Variants in CTNNA3 observed in about 807,000 individuals in gnomAD.
CTNNA3 encodes the protein catenin alpha-3.
CTNNA3 carries 76 observed loss-of-function variants against 95.7 expected under a neutral mutation model. The observed-to-expected ratio is 0.79, with a 90% CI of 0.66 to 0.96. The LOEUF is 0.96. Ranked by LOEUF, CTNNA3 falls within the 40% of genes least tolerant of loss-of-function variation. The pLI, the probability that CTNNA3 is intolerant of heterozygous loss-of-function variation, is 0.00. For missense variants in CTNNA3, 1,191 were observed against 1,089.8 expected, an observed-to-expected ratio of 1.09 and a Z score of -1.31; for synonymous variants, 431 against 374.4, an observed-to-expected ratio of 1.15 and a Z score of -1.74.
intron 12 of CTNNA3, among the ~76,000 whole-genome samples, chr10:66,359,118 A>G (rs144824029): frequency 1.0e-3 from 152 of 152,312 alleles, no homozygotes; most frequent in Non-Finnish European, 1.8e-3. Flanking sequence ...AAGTAAAGTG[A>G]GCATAATCCT....
intron 13 of CTNNA3, among the ~76,000 whole-genome samples, chr10:66,124,814 C>T (rs550246568): frequency 6.6e-6 from 1 of 152,230 alleles, no homozygotes; most frequent in East Asian, 1.9e-4. Flanking sequence ...ATCACAAGAA[C>T]AGCACAGAAA....
At chr10:66,803,645 A>G (rs1037131884) in intron 7 of CTNNA3, among the ~76,000 whole-genome samples, 5 of 152,058 alleles carry the variant, frequency 3.3e-5, no homozygotes, top group African/African-American at 1.2e-4. Flanking sequence ...CACCTTGCAT[A>G]AATATCTCAT....
chr10:66,522,668 C>A lies in CTNNA3; in HGVS notation c.1375-1895G>T, dbSNP rs149192482. On this transcript the variant is annotated intron_variant, in intron 10 of 17. Coordinates refer to ENST00000433211, the MANE Select transcript of CTNNA3 (RefSeq NM_013266.4). ...CTCTTTCCTTTATGGATTACCCAGT[C>A]TCAGTTCTGTCTTTATTAGCAGCAT... is the stretch of plus-strand genomic sequence containing the variant. Among the ~76,000 whole-genome samples, 6 of 151,938 alleles carry A rather than the reference C, an allele frequency of 3.9e-5. No individual in the cohort carries two copies. In the East Asian group the frequency reaches 7.7e-4, roughly 20 times the overall value.
intron 12 of CTNNA3, among the ~76,000 whole-genome samples, chr10:66,312,780 C>T (rs1460739128): frequency 2.0e-5 from 3 of 152,050 alleles, no homozygotes; most frequent in South Asian, 2.1e-4. Context: ...CTCCTGACCT[C>T]GTGATACACC....
intron 1 of CTNNA3, among the ~76,000 whole-genome samples, chr10:67,684,580 T>C (rs1840693947): frequency 6.6e-6 from 1 of 152,186 alleles, no homozygotes; most frequent in East Asian, 1.9e-4. Flanking sequence ...CTCTAGCTAC[T>C]TCCTGCTGGA....
At position 65,940,036 on chromosome 10, in the gene CTNNA3, A is replaced by G. The variant is rs1353292014; in HGVS notation, c.2401-19419T>C. On this transcript the variant is annotated intron_variant, in intron 17 of 17. Transcript: ENST00000433211. ...TGAGCACCTTCCAACTGAAAAAGCA[A>G]GGAATTAGTTGAATATCCCAACCCA... Among the ~76,000 whole-genome samples, 4 of 152,322 alleles carry G rather than the reference A, an allele frequency of 2.6e-5. No homozygotes were observed. In the South Asian group the frequency reaches 8.3e-4, roughly 32 times the overall value.
intron 7 of CTNNA3, among the ~76,000 whole-genome samples, chr10:67,016,861 A>G (rs930597308): frequency 6.6e-6 from 1 of 152,342 alleles, no homozygotes; most frequent in African/African-American, 2.4e-5. Context: ...AAACACCTCT[A>G]TAACAATATC....
intron 5 of CTNNA3, among the ~76,000 whole-genome samples, chr10:67,243,009 A>G (rs1865774301): frequency 6.6e-6 from 1 of 152,168 alleles, no homozygotes; most frequent in East Asian, 1.9e-4. Flanking sequence ...GCAACAAACT[A>G]TTAGCCATAT....
intron 10 of CTNNA3, among the ~76,000 whole-genome samples, chr10:66,541,880 T>G (rs1841864703): frequency 6.6e-6 from 1 of 152,082 alleles, no homozygotes; most frequent in African/African-American, 2.4e-5. Context: ...AATGCGTATT[T>G]AAAACTTGAA....
chr10:65,998,537 T>C (rs1026653853), intron 15 of CTNNA3, among the ~76,000 whole-genome samples: 1 of 152,120 alleles, frequency 6.6e-6, no homozygotes, highest in Non-Finnish European at 1.5e-5. Context: ...TAGCAGAGAA[T>C]AGCGCCCTGA....
At position 67,564,677 on chromosome 10, in the gene CTNNA3, G is replaced by GTGTA. The variant is rs1488656262; in HGVS notation, c.293-25009_293-25008insTACA. Among the ~76,000 whole-genome samples, 163 of 61,316 alleles carry GTGTA rather than the reference G, an allele frequency of 2.7e-3. 2 individuals carry two copies. The highest frequency in any genetic ancestry group is 0.01 in the Middle Eastern group (1 of 98). 40.2% of individuals were successfully genotyped at this position (61,316 alleles called of 152,430 possible). On this transcript the variant is annotated intron_variant, in intron 3 of 17. Transcript: ENST00000433211. ...TATATGCATATATGTGTGTGTGTGT[G>GTGTA]TATATATATATATATATATATATAT... is the stretch of plus-strand genomic sequence containing the variant.
At chr10:67,501,285 T>G (rs1839224141) in intron 5 of CTNNA3, among the ~76,000 whole-genome samples, 1 of 152,246 alleles carries the variant, frequency 6.6e-6, no homozygotes, top group Admixed American at 6.5e-5. Flanking sequence ...ATGTTGAATA[T>G]TGGCCCCCAC....
At chr10:67,049,844 A>G (rs1355952928) in intron 7 of CTNNA3, among the ~76,000 whole-genome samples, 11 of 152,222 alleles carry the variant, frequency 7.2e-5, no homozygotes, top group Admixed American at 1.3e-4. Flanking sequence ...TATTACAAAT[A>G]TAGTAATATA....
intron 7 of CTNNA3, among the ~76,000 whole-genome samples, chr10:67,021,167 C>T (rs947963545): frequency 1.2e-4 from 18 of 151,786 alleles, no homozygotes; most frequent in Non-Finnish European, 2.6e-4. Flanking sequence ...GTAATTTAGG[C>T]AAAAGTATCA....
At chr10:67,021,480 T>G (rs182403484) in intron 7 of CTNNA3, among the ~76,000 whole-genome samples, 1 of 152,162 alleles carries the variant, frequency 6.6e-6, no homozygotes, top group African/African-American at 2.4e-5. Flanking sequence ...ACTGTCATGT[T>G]ATTTGTGACA....
At chr10:67,745,004 AAAC>A (rs1477448618) in intron 1 of CTNNA3, among the ~76,000 whole-genome samples, 1 of 152,014 alleles carries the variant, frequency 6.6e-6, no homozygotes, top group Non-Finnish European at 1.5e-5. Flanking sequence ...AAAAGTCAGG[AAAC>A]AACAGGTGCT....
intron 11 of CTNNA3, among the ~76,000 whole-genome samples, chr10:66,401,913 T>C (rs910964867): frequency 1.3e-5 from 2 of 151,972 alleles, no homozygotes; most frequent in African/African-American, 4.8e-5. Flanking sequence ...CCTGCCTCAG[T>C]CTCCCAAAAG....
chr10:66,597,376 C>T (rs1843744617), intron 10 of CTNNA3, among the ~76,000 whole-genome samples: 1 of 151,036 alleles, frequency 6.6e-6, no homozygotes, highest in Middle Eastern at 3.4e-3. Flanking sequence ...TTCAGTGGGA[C>T]ACATTATAAT....
chr10:67,442,440 G>T (rs1236446780), intron 5 of CTNNA3, among the ~76,000 whole-genome samples: 1 of 151,864 alleles, frequency 6.6e-6, no homozygotes, highest in Non-Finnish European at 1.5e-5. Context: ...AAAAGAGAGA[G>T]ACCCAATGAT....
Sources: gnomAD v4.1 joint callset for allele counts (sites outside exome capture counted in the v4.1 genomes callset) on GRCh38, gnomAD v4.1.1 for gene constraint, MANE v1.5 for transcripts, NCBI Gene and HGNC (gene_info 2026-07-23, HGNC 2026-07-21) for gene names.